Variants in NUP62CL observed in about 807,000 individuals in gnomAD.
NUP62CL encodes the protein nucleoporin-62 C-terminal-like protein.
In NUP62CL, 13 loss-of-function variants were observed where a neutral mutation model predicts 15.3. The ratio of observed to expected loss-of-function variants is 0.85; its 90% CI spans 0.55 to 1.35. The LOEUF is 1.35. NUP62CL is among the 40% of genes most tolerant of loss of function. The pLI is 0.00. For missense variants in NUP62CL, 123 were observed against 130.6 expected (o/e 0.94, Z 0.28); for synonymous variants, 54 against 49.2 (o/e 1.10, Z -0.41).
At chrX:107,129,494 C>A (rs1177861516) in intron 8 of NUP62CL, among the ~76,000 whole-genome samples, 1 of 112,185 alleles carries the variant, frequency 8.9e-6, no homozygotes, top group Non-Finnish European at 1.9e-5. Flanking sequence ...AAGCTGAACA[C>A]TAAGCCTGCA....
chrX:107,152,217 C>T (rs955731385), intron 7 of NUP62CL, among the ~76,000 whole-genome samples: 4 of 91,705 alleles, frequency 4.4e-5, no homozygotes. Flanking sequence ...TACAAAGGAG[C>T]AACTGGAAAG....
intron 2 of NUP62CL, among the ~76,000 whole-genome samples, chrX:107,184,669 T>C (rs1005915078): frequency 9.0e-5 from 10 of 111,155 alleles, no homozygotes; most frequent in African/African-American, 2.6e-4. Context: ...AAGTAAATAA[T>C]AGCTGATAGA....
At chrX:107,160,454 C>G (rs1213795003) in intron 4 of NUP62CL, among the ~76,000 whole-genome samples, 1 of 107,214 alleles carries the variant, frequency 9.3e-6, no homozygotes, top group Non-Finnish European at 1.9e-5. Flanking sequence ...TGGAACAGAA[C>G]AGAGCCCTCA....
intron 8 of NUP62CL, among the ~76,000 whole-genome samples, chrX:107,135,827 A>G: frequency 9.0e-6 from 1 of 111,139 alleles, no homozygotes; most frequent in East Asian, 2.8e-4. Flanking sequence ...CTAGAAATAA[A>G]CCATGTATAA....
At chrX:107,195,036 C>G (rs1392350041) in intron 1 of NUP62CL, among the ~76,000 whole-genome samples, 1 of 109,355 alleles carries the variant, frequency 9.1e-6, no homozygotes, top group Non-Finnish European at 1.9e-5. Flanking sequence ...AGGCTGGTCT[C>G]GAACTCCTGA....
chrX:107,162,950 G>A (rs192027804), intron 4 of NUP62CL, among the ~76,000 whole-genome samples: 8 of 111,306 alleles, frequency 7.2e-5, no homozygotes, highest in African/African-American at 2.6e-4. Flanking sequence ...GACAGGAGGC[G>A]GAGCTCAGGC....
Position 107,143,183 on chromosome X carries a change from T to G in NUP62CL, c.*42+4560A>C, listed in dbSNP as rs945006170. Among the ~76,000 whole-genome samples the G allele has an allele frequency of 2.7e-5, 3 of 111,866 alleles. No individual in the cohort carries two copies. The Admixed American group carries it at 2.9e-4, about 11-fold the overall frequency. On this transcript the variant is annotated intron_variant, in intron 8 of 8. Coordinates refer to ENST00000372466, the MANE Select transcript of NUP62CL (RefSeq NM_017681.3). ...TGGATATTGAAAAGTTGACTGGACTTTTATGTAATATTTTAACATATTTAA... is the reference window on the plus strand; with the variant it reads ...TGGATATTGAAAAGTTGACTGGACTGTTATGTAATATTTTAACATATTTAA...
chrX:107,134,471 T>A (rs1252110051), intron 8 of NUP62CL, among the ~76,000 whole-genome samples: 1 of 112,122 alleles, frequency 8.9e-6, no homozygotes, highest in Non-Finnish European at 1.9e-5. Flanking sequence ...AATTTTTTTT[T>A]AAATCAAGTT....
chrX:107,199,211 C>T (rs753766996), intron 1 of NUP62CL, among the ~76,000 whole-genome samples: 14 of 111,900 alleles, frequency 1.3e-4, no homozygotes, highest in Non-Finnish European at 2.4e-4. Context: ...GTATTTTGAT[C>T]TCCATTCTAT....
intron 3 of NUP62CL, among the ~76,000 whole-genome samples, chrX:107,171,027 T>A (rs1439603580): frequency 2.7e-5 from 3 of 112,314 alleles, no homozygotes; most frequent in Non-Finnish European, 5.6e-5. Flanking sequence ...CAAATTTTCC[T>A]ATCCTGTCCC....
rs780682538 is a variant in NUP62CL, at chrX:107,157,091, A to C, written c.195-2845T>G. 2.8e-3 allele frequency among the ~76,000 whole-genome samples: 301 copies of C among 108,505 alleles called. 2 individuals carry two copies. Among genetic ancestry groups the C allele is most frequent in the African/African-American group, 9.7e-3 (286 of 29,557 alleles). 94.2% of individuals were successfully genotyped at this position (108,505 alleles called of 115,157 possible). ...GAAGTTTAGAGAAAAAAGAATAAAA[A>C]GAAATGAGCAAAGCCTCCAAGAAAT... On this transcript the variant is annotated intron_variant, in intron 4 of 8. Coordinates refer to ENST00000372466, the MANE Select transcript of NUP62CL (RefSeq NM_017681.3).
At chrX:107,148,557 A>G (rs1322002928) in intron 7 of NUP62CL, among the ~76,000 whole-genome samples, 1 of 111,845 alleles carries the variant, frequency 8.9e-6, no homozygotes, top group African/African-American at 3.2e-5. Context: ...ATAGAATACA[A>G]AAAGTTATAT....
At chrX:107,170,082 C>A (rs1926611120) in intron 3 of NUP62CL, among the ~76,000 whole-genome samples, 1 of 107,582 alleles carries the variant, frequency 9.3e-6, no homozygotes, top group Non-Finnish European at 1.9e-5. Flanking sequence ...TGGTGCACAC[C>A]TGTAATCCCA....
At chrX:107,175,986 A>G (rs1012761274) in intron 2 of NUP62CL, among the ~76,000 whole-genome samples, 3 of 111,318 alleles carry the variant, frequency 2.7e-5, no homozygotes, top group Admixed American at 9.6e-5. Flanking sequence ...ATTCCACCCC[A>G]GTTTACTTGC....
At chrX:107,181,533 G>T (rs1926919984) in intron 2 of NUP62CL, among the ~76,000 whole-genome samples, 1 of 108,787 alleles carries the variant, frequency 9.2e-6, no homozygotes, top group Non-Finnish European at 1.9e-5. Flanking sequence ...ATATTTTCTT[G>T]CAAGTTCTCA....
intron 4 of NUP62CL, 116 bp from the exon 5 acceptor site, chrX:107,154,362 C>A: frequency 2.0e-6 from 1 of 497,605 alleles, no homozygotes; most frequent in Non-Finnish European, 3.1e-6. Flanking sequence ...AGGAATTTCC[C>A]ATACCTGCTT....
At chrX:107,132,128 A>G (rs959089926) in intron 8 of NUP62CL, 57 of 1,174,504 alleles carry the variant, frequency 4.9e-5, no homozygotes, top group Non-Finnish European at 5.7e-5. Flanking sequence ...TTGGAAGAGG[A>G]AAAGATTCAA....
intron 8 of NUP62CL, among the ~76,000 whole-genome samples, chrX:107,141,387 A>C (rs1342449913): frequency 8.9e-6 from 1 of 112,276 alleles, no homozygotes; most frequent in African/African-American, 3.2e-5. Flanking sequence ...AATACCTTTC[A>C]ATTAACTGCA....
At chrX:107,169,216 G>C (rs1215175618) in intron 3 of NUP62CL, among the ~76,000 whole-genome samples, 1 of 111,662 alleles carries the variant, frequency 9.0e-6, no homozygotes, top group Non-Finnish European at 1.9e-5. Context: ...AGAAGAAGGA[G>C]ATGAAGTAGA....
Sources: allele counts gnomAD v4.1 joint callset (sites outside exome capture counted in the v4.1 genomes callset), GRCh38; gene constraint gnomAD v4.1.1; transcripts MANE v1.5; gene names NCBI Gene and HGNC (gene_info 2026-07-23, HGNC 2026-07-21).